The following CENPP variants were observed in gnomAD, a reference collection of about 807,000 sequenced individuals.
CENPP encodes the protein centromere protein P.
Under a neutral mutation model 35.6 loss-of-function variants are expected in CENPP, and 24 were observed. The observed-to-expected ratio is 0.67, with a 90% CI of 0.49 to 0.95. The LOEUF (loss-of-function observed/expected upper bound fraction) is 0.95, where lower values mean the gene tolerates loss of function less well. Ranked by LOEUF, CENPP falls within the 40% of genes least tolerant of loss-of-function variation. The pLI, the probability that CENPP is intolerant of heterozygous loss-of-function variation, is 0.00. For missense variants in CENPP, 332 were observed against 345.3 expected (o/e 0.96, Z 0.31); for synonymous variants, 120 against 125.5 (o/e 0.96, Z 0.29).
chr9:92,562,985 CA>C (rs1849883898), intron 5 of CENPP, among the ~76,000 whole-genome samples: 1 of 151,850 alleles, frequency 6.6e-6, no homozygotes, highest in African/African-American at 2.4e-5. Flanking sequence ...TTTTAGTGTC[CA>C]GGGGGATGAA....
chr9:92,575,394 T>C (rs1008879977), intron 5 of CENPP, among the ~76,000 whole-genome samples: 8 of 151,886 alleles, frequency 5.3e-5, no homozygotes, highest in Non-Finnish European at 2.9e-5. Context: ...AGGACTTGAA[T>C]AGACATTTCT....
intron 4 of CENPP, among the ~76,000 whole-genome samples, chr9:92,377,032 C>CA (rs1333487031): frequency 0.032 from 3,922 of 121,620 alleles, 65 homozygotes; most frequent in South Asian, 0.09. Context: ...GACTTAGTCT[C>CA]AAAAAAAAAA....
At chr9:92,403,579 C>T (rs1843207262) in intron 5 of CENPP, 1 of 1,241,148 alleles carries the variant, frequency 8.1e-7, no homozygotes, top group African/African-American at 1.5e-5. Context: ...CAGTATTTAA[C>T]CCTTAGTGAT....
chr9:92,579,803 T>C (rs1017281872), intron 5 of CENPP, among the ~76,000 whole-genome samples: 1 of 132,578 alleles, frequency 7.5e-6, no homozygotes, highest in Non-Finnish European at 1.6e-5. Context: ...TTCCTTCTCC[T>C]GCCTAATTGC....
chr9:92,428,731 T>C (rs1844029675), intron 5 of CENPP, among the ~76,000 whole-genome samples: 1 of 152,186 alleles, frequency 6.6e-6, no homozygotes. Flanking sequence ...TTCTACTTGT[T>C]ACTTCCAGTG....
At chr9:92,417,008 C>T in intron 5 of CENPP, 3 of 1,613,854 alleles carry the variant, frequency 1.9e-6, no homozygotes, top group Non-Finnish European at 2.5e-6. Context: ...GTTTACTAGC[C>T]CATCCATAGC....
intron 4 of CENPP, among the ~76,000 whole-genome samples, chr9:92,366,238 A>G (rs991623792): frequency 3.9e-5 from 6 of 152,158 alleles, no homozygotes; most frequent in African/African-American, 1.2e-4. Flanking sequence ...AAAAACTTAT[A>G]TATTTATGAA....
intron 5 of CENPP, among the ~76,000 whole-genome samples, chr9:92,469,501 T>C (rs1845432248): frequency 6.6e-6 from 1 of 152,192 alleles, no homozygotes; most frequent in East Asian, 1.9e-4. Flanking sequence ...GGAGGCATGG[T>C]GACCCCACAT....
At chr9:92,582,516 TA>T (rs1045358233) in intron 5 of CENPP, among the ~76,000 whole-genome samples, 7 of 151,968 alleles carry the variant, frequency 4.6e-5, no homozygotes, top group Non-Finnish European at 1.0e-4. Context: ...AAAAATTCAC[TA>T]AAATAATTGC....
chr9:92,493,395 C>T (rs1382924238), intron 5 of CENPP, among the ~76,000 whole-genome samples: 6 of 152,140 alleles, frequency 3.9e-5, no homozygotes, highest in African/African-American at 1.4e-4. Context: ...TCTCTTGGTT[C>T]CTGGTGTAGT....
chr9:92,565,898 AAATAAT>A (rs775451041), intron 5 of CENPP, among the ~76,000 whole-genome samples: 2 of 152,220 alleles, frequency 1.3e-5, no homozygotes, highest in Admixed American at 6.5e-5. Flanking sequence ...AGTAAAATAA[AAATAAT>A]AATAATAAAA....
At chr9:92,421,761 T>A (rs1268017954) in intron 5 of CENPP, among the ~76,000 whole-genome samples, 1 of 152,120 alleles carries the variant, frequency 6.6e-6, no homozygotes, top group African/African-American at 2.4e-5. Context: ...GAAGCCATAG[T>A]CCCTTCTGTA....
In CENPP at chr9:92,474,742, CTCATCATCA is replaced by C. The variant is rs3078372; in HGVS notation, c.564+94919_564+94927del. On this transcript the variant is annotated intron_variant, in intron 5 of 7. Coordinates refer to ENST00000375587, the MANE Select transcript of CENPP (RefSeq NM_001012267.3). Reference sequence around the variant, plus strand: ...CTCTTGTTGGAAAAAGAGAGTTGTCCTCATCATCATCATCATCATCATCATCATCATCAT... The same window carrying C: ...CTCTTGTTGGAAAAAGAGAGTTGTCCTCATCATCATCATCATCATCATCAT... 583 of 1,533,548 alleles carry C rather than the reference CTCATCATCA, an allele frequency of 3.8e-4. 1 individual carries two copies. Among genetic ancestry groups the C allele is most frequent in the African/African-American group, 5.0e-4 (35 of 70,280 alleles). The allele number at this position is 1,533,548 out of a possible 1,614,324, so 95.0% of individuals were successfully genotyped here.
chr9:92,552,124 A>AGATCTATCATATATGTGATAT (rs1849623488), intron 5 of CENPP, among the ~76,000 whole-genome samples: 2 of 145,978 alleles, frequency 1.4e-5, no homozygotes. Flanking sequence ...GTGATATGAT[A>AGATCTATCATATATGTGATAT]GATCTATCAT....
intron 5 of CENPP, among the ~76,000 whole-genome samples, chr9:92,597,166 T>C (rs1284756300): frequency 1.3e-5 from 2 of 152,222 alleles, no homozygotes; most frequent in East Asian, 3.9e-4. Context: ...TTGTGTAATC[T>C]TAAGCAAGTT....
chr9:92,570,193 A>G (rs1004206857), intron 5 of CENPP, among the ~76,000 whole-genome samples: 15 of 152,174 alleles, frequency 9.9e-5, no homozygotes, highest in Admixed American at 9.8e-4. Flanking sequence ...CTGCCCATTC[A>G]GTATGATATT....
At chr9:92,331,469 G>T (rs78262118) in intron 1 of CENPP, among the ~76,000 whole-genome samples, 1 of 152,130 alleles carries the variant, frequency 6.6e-6, no homozygotes, top group Non-Finnish European at 1.5e-5. Context: ...CGTGAGCCAC[G>T]GCGCCTGGCC....
In CENPP at chr9:92,612,087, G is replaced by A. The variant is rs376150795; in HGVS notation, c.645-436G>A. On this transcript the variant is annotated intron_variant, in intron 6 of 7. Coordinates refer to ENST00000375587, the MANE Select transcript of CENPP (RefSeq NM_001012267.3). ...GCTGCGCTCTTCAGCTCTGGAGCAC[G>A]TGGCTTCTTTGTTCTGGCTCACACC... 8.5e-5 allele frequency among the ~76,000 whole-genome samples: 13 copies of A among 152,344 alleles called. No homozygotes were observed. In the East Asian group the frequency reaches 9.7e-4, roughly 11 times the overall value.
At chr9:92,475,720 A>AC (rs1845690932) in intron 5 of CENPP, among the ~76,000 whole-genome samples, 1 of 152,166 alleles carries the variant, frequency 6.6e-6, no homozygotes, top group Admixed American at 6.6e-5. Context: ...ATAGTTGGTC[A>AC]CTTTTTCCAC....
Sources: allele counts gnomAD v4.1 joint callset (sites outside exome capture counted in the v4.1 genomes callset), GRCh38; gene constraint gnomAD v4.1.1; transcripts MANE v1.5; gene names NCBI Gene and HGNC (gene_info 2026-07-23, HGNC 2026-07-21).